The following PDE1C variants were observed in gnomAD, a reference collection of about 807,000 sequenced individuals.
The protein encoded by PDE1C is phosphodiesterase 1C.
PDE1C carries 62 observed loss-of-function variants against 93.1 expected under a neutral mutation model. That is an observed-to-expected ratio of 0.67 (90% CI 0.54 to 0.82). The LOEUF (loss-of-function observed/expected upper bound fraction) is 0.82, where lower values mean the gene tolerates loss of function less well. Among genes scored for constraint, PDE1C ranks in the 40% least tolerant of loss-of-function variants. The probability of loss-of-function intolerance (pLI) is 0.00; values close to 1 mark genes in which losing one functional copy is unlikely to be tolerated. For missense variants in PDE1C, 742 were observed against 884.6 expected (o/e 0.84, Z 2.04); for synonymous variants, 325 against 310.1 (o/e 1.05, Z -0.50).
intron 2 of PDE1C, among the ~76,000 whole-genome samples, chr7:31,950,057 G>T (rs190536391): frequency 6.6e-6 from 1 of 152,254 alleles, no homozygotes; most frequent in African/African-American, 2.4e-5. Context: ...ACTTAATAAA[G>T]AAAAGTTATA....
the PDE1C span, among the ~76,000 whole-genome samples, chr7:31,717,011 G>A: frequency 1.3e-5 from 2 of 152,206 alleles, no homozygotes; most frequent in South Asian, 4.1e-4. Context: ...GATATTTCAT[G>A]CAAAGCATAA....
chr7:32,389,003 G>A (rs895245503), intron 1 of PDE1C, among the ~76,000 whole-genome samples: 1 of 152,140 alleles, frequency 6.6e-6, no homozygotes, highest in African/African-American at 2.4e-5. Flanking sequence ...GAAAATCACA[G>A]CTAAATGCAT....
chr7:32,181,568 G>T (rs1803425097), intron 2 of PDE1C, among the ~76,000 whole-genome samples: 1 of 152,028 alleles, frequency 6.6e-6, no homozygotes, highest in Non-Finnish European at 1.5e-5. Flanking sequence ...ATAACGAAAT[G>T]AAGGCAGAAA....
intron 2 of PDE1C, among the ~76,000 whole-genome samples, chr7:32,011,355 G>A (rs1451464696): frequency 1.3e-5 from 2 of 151,928 alleles, no homozygotes; most frequent in Non-Finnish European, 2.9e-5. Flanking sequence ...ACTATGCCTG[G>A]CTAATTTTTT....
At chr7:31,706,422 A>T in the PDE1C span, among the ~76,000 whole-genome samples, 6 of 152,356 alleles carry the variant, frequency 3.9e-5, no homozygotes, top group East Asian at 1.2e-3. Context: ...TCATAAAAGA[A>T]AGGATATTTT....
downstream of PDE1C, among the ~76,000 whole-genome samples, chr7:31,748,456 T>C (rs28421552): frequency 7.9e-5 from 12 of 152,320 alleles, no homozygotes; most frequent in African/African-American, 2.2e-4. Context: ...CCAGTGAACA[T>C]TCACAGAGAA....
chr7:32,356,796 T>C (rs1784038228), intron 1 of PDE1C, among the ~76,000 whole-genome samples: 1 of 152,232 alleles, frequency 6.6e-6, no homozygotes, highest in African/African-American at 2.4e-5. Flanking sequence ...TTTTCATACA[T>C]ACAACTCATT....
intron 1 of PDE1C, among the ~76,000 whole-genome samples, chr7:32,411,509 G>T (rs898943139): frequency 3.9e-5 from 6 of 152,292 alleles, no homozygotes; most frequent in Non-Finnish European, 8.8e-5. Context: ...TGGTATAAAA[G>T]ATTTTAAACG....
chr7:31,885,933 A>G (rs73306549), intron 2 of PDE1C, among the ~76,000 whole-genome samples: 2,270 of 152,316 alleles, frequency 0.015, 48 homozygotes, highest in African/African-American at 0.052. Flanking sequence ...AAAATGAACT[A>G]TAAAAAGAAG....
intron 16 of PDE1C, among the ~76,000 whole-genome samples, chr7:31,806,151 C>T (rs1421498930): frequency 2.0e-5 from 3 of 151,886 alleles, no homozygotes; most frequent in Non-Finnish European, 2.9e-5. Context: ...CTGCTGAATT[C>T]CCTCCCTAAG....
At chr7:31,685,604 A>C in the PDE1C span, among the ~76,000 whole-genome samples, 1 of 152,242 alleles carries the variant, frequency 6.6e-6, no homozygotes, top group Non-Finnish European at 1.5e-5. Flanking sequence ...AAAGTAAGGC[A>C]GGGTTTAATG....
chr7:31,639,299 A>G, the PDE1C span, among the ~76,000 whole-genome samples: 5 of 151,750 alleles, frequency 3.3e-5, no homozygotes, highest in African/African-American at 9.7e-5. Context: ...TTAAATCTCT[A>G]TGTTTCATTT....
At chr7:32,148,183 CAT>C (rs1563354083) in intron 3 of PDE1C, among the ~76,000 whole-genome samples, 1 of 152,032 alleles carries the variant, frequency 6.6e-6, no homozygotes, top group Non-Finnish European at 1.5e-5. Flanking sequence ...ATGAATCACA[CAT>C]CTTTTTATTT....
intron 2 of PDE1C, among the ~76,000 whole-genome samples, chr7:31,910,752 T>G (rs1241014543): frequency 1.3e-5 from 2 of 152,300 alleles, no homozygotes; most frequent in East Asian, 3.9e-4. Flanking sequence ...TCAATTTTTC[T>G]CTGCCTCAGT....
At chr7:31,806,302 T>C (rs1786817334) in intron 16 of PDE1C, among the ~76,000 whole-genome samples, 1 of 151,970 alleles carries the variant, frequency 6.6e-6, no homozygotes, top group Admixed American at 6.6e-5. Context: ...TAATAAATTA[T>C]GGCAAGTCCA....
At chr7:32,390,219 G>T (rs1286755540) in intron 1 of PDE1C, among the ~76,000 whole-genome samples, 1 of 152,058 alleles carries the variant, frequency 6.6e-6, no homozygotes, top group Non-Finnish European at 1.5e-5. Flanking sequence ...AGAGGGCAGG[G>T]AATGGAGCTA....
chr7:32,167,551 G>T, intron 3 of PDE1C, among the ~76,000 whole-genome samples: 1 of 152,086 alleles, frequency 6.6e-6, no homozygotes, highest in East Asian at 1.9e-4. Flanking sequence ...CCTAGTAGGG[G>T]ACAAAAGGCA....
chr7:32,195,152 C>T lies in PDE1C; in HGVS notation c.136+14337G>A, dbSNP rs184142664. 1.2e-3 allele frequency among the ~76,000 whole-genome samples: 183 copies of T among 152,284 alleles called. 3 individuals carry two copies. The East Asian group carries it at 0.033, about 27-fold the overall frequency. The stretch of plus-strand genomic sequence containing the variant: ...TAACATTTTTGCTTCAACCATCAAA[C>T]ATAACTTAGAAAACTCAAGAGGAGA... On this transcript the variant is annotated intron_variant, in intron 2 of 18. Transcript: ENST00000396193.
At chr7:32,260,090 C>T (rs766116257) in intron 1 of PDE1C, among the ~76,000 whole-genome samples, 8 of 152,168 alleles carry the variant, frequency 5.3e-5, no homozygotes, top group African/African-American at 1.9e-4. Context: ...TGTTTCCAGG[C>T]GGACTGATAG....
Sources: gnomAD v4.1 joint callset for allele counts (sites outside exome capture counted in the v4.1 genomes callset) on GRCh38, gnomAD v4.1.1 for gene constraint, MANE v1.5 for transcripts, NCBI Gene and HGNC (gene_info 2026-07-23, HGNC 2026-07-21) for gene names.